EPHB2: variants seen among roughly 807,000 people sequenced by gnomAD.
EPHB2 encodes ephrin type-B receptor 2.
In EPHB2, 18 loss-of-function variants were observed where a neutral mutation model predicts 96.4. That is an observed-to-expected ratio of 0.19 (90% CI 0.13 to 0.28). The LOEUF is 0.28. Among genes scored for constraint, EPHB2 ranks in the 10% least tolerant of loss-of-function variants. EPHB2 has a pLI of 1.00. For missense variants in EPHB2, 989 were observed against 1,355.4 expected, an observed-to-expected ratio of 0.73 and a Z score of 4.25; for synonymous variants, 506 against 534.1, an observed-to-expected ratio of 0.95 and a Z score of 0.72.
chr1:22,915,691 C>T lies in EPHB2; in HGVS notation c.*2121C>T, dbSNP rs1429648498. On this transcript the variant is annotated 3_prime_UTR_variant, in exon 16 of 16. Coordinates refer to ENST00000374630, the MANE Select transcript of EPHB2 (RefSeq NM_017449.5). ...GGGAACGTGAGGGTCTTAGAGTGCT[C>T]ATGTACCCCCAGGCACAGCCAACTC... 7 of 152,286 alleles carry T rather than the reference C, an allele frequency of 4.6e-5. No homozygotes were observed. The highest frequency in any genetic ancestry group is 2.0e-4 in the Admixed American group (3 of 15,282). The allele number at this position is 152,286 out of a possible 1,614,324, so 9.4% of individuals were successfully genotyped here.
intron 3 of EPHB2, among the ~76,000 whole-genome samples, chr1:22,793,108 A>G (rs1170918340): frequency 6.6e-6 from 1 of 152,172 alleles, no homozygotes; most frequent in Non-Finnish European, 1.5e-5. Flanking sequence ...AGTCAGCTAA[A>G]TGGAAGGTTC....
chr1:22,778,317 C>CT (rs1305046643), intron 1 of EPHB2, among the ~76,000 whole-genome samples: 91 of 152,168 alleles, frequency 6.0e-4, no homozygotes, highest in African/African-American at 2.1e-3. Context: ...ATTTTCCTTC[C>CT]TTTTATGGCA....
chr1:22,896,487 A>G lies in EPHB2; in HGVS notation c.1765+9A>G. 2 of 1,614,152 alleles carry G rather than the reference A, an allele frequency of 1.2e-6. No individual in the cohort carries two copies. ...CTACACCAGTGGCCACAGTATGTAC[A>G]CACCCAAGCGGGCTGGAACCCTTGG... On this transcript the variant is annotated intron_variant, in intron 9 of 15. Transcript: ENST00000374630.
At chr1:22,891,206 G>A (rs1639377765) in intron 6 of EPHB2, 1 of 455,938 alleles carries the variant, frequency 2.2e-6, no homozygotes, top group South Asian at 1.5e-5. Flanking sequence ...TTGAACCCAA[G>A]AAGTCTGGCT....
Position 22,917,893 on chromosome 1 carries a change from C to T in EPHB2, c.*4323C>T, listed in dbSNP as rs975799260. On this transcript the variant is annotated 3_prime_UTR_variant, in exon 16 of 16. Transcript: ENST00000374630. ...CATGGAGAGGCTGTCTTGAAAATGA[C>T]AGAGGTCAAAAGAAAGGTCACTCCA... 1.3e-5 allele frequency: 2 copies of T among 152,198 alleles called. No homozygotes were observed. Among genetic ancestry groups the T allele is most frequent in the Non-Finnish European group, 2.9e-5 (2 of 68,084 alleles). 9.4% of individuals were successfully genotyped at this position (152,198 alleles called of 1,614,324 possible). A position where few individuals can be genotyped will look rare whatever the true frequency, so the allele number is the denominator to read the frequency against.
At chr1:22,859,300 G>C (rs573199349) in intron 3 of EPHB2, among the ~76,000 whole-genome samples, 23 of 150,770 alleles carry the variant, frequency 1.5e-4, no homozygotes, top group Non-Finnish European at 2.4e-4. Flanking sequence ...GGCCTGGTGG[G>C]GGGGGGGGTA....
intron 7 of EPHB2, among the ~76,000 whole-genome samples, chr1:22,893,332 A>T (rs764902360): frequency 6.6e-6 from 1 of 152,156 alleles, no homozygotes; most frequent in Non-Finnish European, 1.5e-5. Context: ...CCTTGGTCCA[A>T]TTTTTTCTCA....
chr1:22,857,604 A>G (rs1393535844), intron 3 of EPHB2, among the ~76,000 whole-genome samples: 1 of 152,052 alleles, frequency 6.6e-6, no homozygotes. Context: ...GAAAACCGAG[A>G]TGCTTTGGTC....
At chr1:22,873,378 C>T (rs146445246) in intron 5 of EPHB2, among the ~76,000 whole-genome samples, 31 of 152,322 alleles carry the variant, frequency 2.0e-4, no homozygotes, top group Non-Finnish European at 2.4e-4. Flanking sequence ...TCCACCTGTG[C>T]ATGTTTTCTC....
At chr1:22,859,348 AG>A (rs1400699123) in intron 3 of EPHB2, among the ~76,000 whole-genome samples, 2 of 146,570 alleles carry the variant, frequency 1.4e-5, no homozygotes, top group African/African-American at 5.1e-5. Flanking sequence ...CCAGACACTG[AG>A]GTAGGAGTGG....
intron 5 of EPHB2, among the ~76,000 whole-genome samples, chr1:22,878,533 G>A (rs1638921017): frequency 6.6e-6 from 1 of 152,222 alleles, no homozygotes; most frequent in Non-Finnish European, 1.5e-5. Flanking sequence ...TCCACAAACT[G>A]AAGAATTCTT....
intron 1 of EPHB2, chr1:22,719,680 C>G (rs1302861338): frequency 6.6e-6 from 1 of 152,158 alleles, no homozygotes; most frequent in Admixed American, 6.5e-5. Context: ...GCATGGCTTC[C>G]CGAGCCTCAG....
chr1:22,795,381 A>G (rs1396218775), intron 3 of EPHB2, among the ~76,000 whole-genome samples: 2 of 152,210 alleles, frequency 1.3e-5, no homozygotes, highest in Non-Finnish European at 2.9e-5. Context: ...CACTCACCTT[A>G]TCAGGTACAT....
intron 1 of EPHB2, among the ~76,000 whole-genome samples, chr1:22,758,466 G>A (rs1322502109): frequency 2.6e-5 from 4 of 152,038 alleles, no homozygotes; most frequent in Non-Finnish European, 4.4e-5. Flanking sequence ...GTCCATCCTG[G>A]TCTGGGTATC....
rs1640382060 is a variant in EPHB2, at chr1:22,921,010, A to G, written c.*7440A>G. 1 of 152,236 alleles carries G rather than the reference A, an allele frequency of 6.6e-6. No individual in the cohort carries two copies. The highest frequency in any genetic ancestry group is 1.5e-5 in the Non-Finnish European group (1 of 68,076). 9.4% of individuals were successfully genotyped at this position (152,236 alleles called of 1,614,324 possible). On this transcript the variant is annotated 3_prime_UTR_variant, in exon 16 of 16. Transcript: ENST00000374630. Reference sequence around the variant, plus strand: ...GTACCCCCCACTTAATCACCATGCTATGCTGCTACCAGTGGTACACACTCA... The same window carrying G: ...GTACCCCCCACTTAATCACCATGCTGTGCTGCTACCAGTGGTACACACTCA...
In EPHB2 at chr1:22,784,946, C is replaced by A; in HGVS notation, c.681C>A (p.Ile227=). ...TGGTGGCTGCCCGGGGCAGCTGCAT[C>A]GCCAATGCGGAAGAGGTGGATGTAC... ...TSLVAARGSC[I]ANAEEVDVPI... Residue 227 remains isoleucine, a synonymous_variant, in exon 3 of 16, where the codon ATC becomes ATA. Transcript: ENST00000374630. This position sits in a 1 kb window ranked among gnomAD's most constrained non-coding sequence, Gnocchi z 5.1. 1 of 1,613,946 alleles carries A rather than the reference C, an allele frequency of 6.2e-7. No homozygotes were observed.
intron 3 of EPHB2, among the ~76,000 whole-genome samples, chr1:22,841,934 G>T (rs1645475307): frequency 6.6e-6 from 1 of 152,164 alleles, no homozygotes; most frequent in Non-Finnish European, 1.5e-5. Flanking sequence ...GCTGACATCA[G>T]AGAGAATGGG....
intron 3 of EPHB2, among the ~76,000 whole-genome samples, chr1:22,840,557 C>T (rs1031257520): frequency 2.0e-5 from 3 of 152,154 alleles, no homozygotes; most frequent in African/African-American, 7.2e-5. Context: ...ACTTCCTGGG[C>T]GCAAGCGATT....
intron 1 of EPHB2, among the ~76,000 whole-genome samples, chr1:22,720,072 C>T (rs528608035): frequency 5.9e-5 from 9 of 152,304 alleles, no homozygotes; most frequent in South Asian, 4.1e-4. Flanking sequence ...GAAGGCTGGT[C>T]CCCCTACGCT....
Sources: gnomAD v4.1 joint callset for allele counts (sites outside exome capture counted in the v4.1 genomes callset) on GRCh38, gnomAD v4.1.1 for gene constraint, Gnocchi (gnomAD v3.1) non-coding constraint, MANE v1.5 for transcripts, NCBI Gene and HGNC (gene_info 2026-07-23, HGNC 2026-07-21) for gene names.